Variants in FOCAD observed in about 807,000 individuals in gnomAD.
FOCAD encodes the protein KIAA1797.
In FOCAD, 198 loss-of-function variants were observed where a neutral mutation model predicts 225.6. That is an observed-to-expected ratio of 0.88 (90% CI 0.78 to 0.99). FOCAD has a LOEUF of 0.99. Among genes scored for constraint, FOCAD ranks in the 50% least tolerant of loss-of-function variants. FOCAD has a pLI of 0.00. For missense variants in FOCAD, 2,713 were observed against 2,123.6 expected, an observed-to-expected ratio of 1.28 and a Z score of -5.46; for synonymous variants, 897 against 755.0, an observed-to-expected ratio of 1.19 and a Z score of -3.08.
intron 5 of FOCAD, among the ~76,000 whole-genome samples, chr9:20,754,414 T>C (rs1364253315): frequency 6.6e-6 from 1 of 152,182 alleles, no homozygotes; most frequent in African/African-American, 2.4e-5. Flanking sequence ...TTAAGCCTTC[T>C]AGTTTCTAGT....
At position 20,765,089 on chromosome 9, in the gene FOCAD, T is replaced by G; in HGVS notation, c.699+16T>G. On this transcript the variant is annotated intron_variant, in intron 7 of 43. Transcript: ENST00000338382. Reference sequence around the variant, plus strand: ...ATGTTTGCAGGTAAGGTCTTTGTCCTCCTCCACAAATATAGGTCAGCATCA... The same window carrying G: ...ATGTTTGCAGGTAAGGTCTTTGTCCGCCTCCACAAATATAGGTCAGCATCA... The G allele has an allele frequency of 6.2e-7, 1 of 1,602,702 alleles. No individual in the cohort carries two copies. The highest frequency in any genetic ancestry group is 8.5e-7 in the Non-Finnish European group (1 of 1,172,880).
chr9:20,816,961 A>G (rs1003374660), intron 11 of FOCAD, among the ~76,000 whole-genome samples: 5 of 152,164 alleles, frequency 3.3e-5, no homozygotes, highest in Non-Finnish European at 5.9e-5. Context: ...GCCATTTTAT[A>G]TAAGATGCTT....
intron 15 of FOCAD, among the ~76,000 whole-genome samples, chr9:20,857,807 G>T (rs1828349914): frequency 7.2e-6 from 1 of 138,362 alleles, no homozygotes. Context: ...ATCATGAAGT[G>T]ATGTTGAATT....
At chr9:20,799,354 C>G (rs776124161) in intron 11 of FOCAD, among the ~76,000 whole-genome samples, 3 of 152,150 alleles carry the variant, frequency 2.0e-5, no homozygotes, top group Non-Finnish European at 2.9e-5. Flanking sequence ...CTGTAGATGT[C>G]TATTAGGTCT....
intron 29 of FOCAD, among the ~76,000 whole-genome samples, chr9:20,945,837 A>G (rs1348116042): frequency 6.6e-6 from 1 of 152,130 alleles, no homozygotes; most frequent in Non-Finnish European, 1.5e-5. Context: ...TTTTCATGCC[A>G]TATCAACCAG....
chr9:20,685,886 C>T (rs1393222325), intron 1 of FOCAD, among the ~76,000 whole-genome samples: 1 of 152,082 alleles, frequency 6.6e-6, no homozygotes, highest in Admixed American at 6.5e-5. Context: ...CACAGCCTCG[C>T]GCCCTGTAAT....
intron 26 of FOCAD, among the ~76,000 whole-genome samples, chr9:20,926,991 C>T (rs1835017604): frequency 6.9e-6 from 1 of 144,894 alleles, no homozygotes; most frequent in Admixed American, 7.1e-5. Flanking sequence ...CGTACATATG[C>T]ATATATAATG....
chr9:20,938,665 C>A (rs1012954834), intron 28 of FOCAD, among the ~76,000 whole-genome samples: 4 of 151,970 alleles, frequency 2.6e-5, no homozygotes, highest in African/African-American at 9.7e-5. Context: ...ACCAATATGG[C>A]ACCTGTATAC....
Position 20,715,374 on chromosome 9 carries a change from A to G in FOCAD, c.21A>G (p.Lys7=), listed in dbSNP as rs1825246594. The change falls in exon 2 of 44, where the codon AAA becomes AAG. Residue 7 remains lysine, a synonymous_variant. Coordinates refer to ENST00000338382, the MANE Select transcript of FOCAD (RefSeq NM_001375567.1). MSDDIR[K]RFEFPNSLIQ... is the part of the protein sequence containing the mutation. ...CAAAAATGTCAGATGATATCAGGAAAAGGTTTGAATTTCCAAATTCTCTTA... is the reference window on the plus strand; with the variant it reads ...CAAAAATGTCAGATGATATCAGGAAGAGGTTTGAATTTCCAAATTCTCTTA... 1.3e-6 allele frequency: 2 copies of G among 1,526,614 alleles called. No individual in the cohort carries two copies. The highest frequency in any genetic ancestry group is 1.8e-6 in the Non-Finnish European group (2 of 1,130,632). 94.6% of individuals were successfully genotyped at this position (1,526,614 alleles called of 1,614,324 possible).
chr9:20,748,287 A>G lies in FOCAD; in HGVS notation c.392+7947A>G, dbSNP rs182059696. On this transcript the variant is annotated intron_variant, in intron 5 of 43. Transcript: ENST00000338382. ...ATTTCTGGACAGAACATATCATATAACTTTTTAAATTTTTTTTTGGAAATG... is the reference window on the plus strand; with the variant it reads ...ATTTCTGGACAGAACATATCATATAGCTTTTTAAATTTTTTTTTGGAAATG... Among the ~76,000 whole-genome samples, 11 of 152,180 alleles carry G rather than the reference A, an allele frequency of 7.2e-5. No homozygotes were observed. The East Asian group carries it at 2.1e-3, about 29-fold the overall frequency.
intron 15 of FOCAD, among the ~76,000 whole-genome samples, chr9:20,840,596 G>GT (rs143705775): frequency 0.19 from 26,712 of 140,366 alleles, 2,936 homozygotes; most frequent in Non-Finnish European, 0.26. Flanking sequence ...ATTTTTTAAT[G>GT]TTTTTTTTTT....
intron 14 of FOCAD, among the ~76,000 whole-genome samples, chr9:20,821,971 A>G (rs1394531486): frequency 2.0e-5 from 3 of 150,208 alleles, no homozygotes; most frequent in African/African-American, 7.3e-5. Flanking sequence ...TAGCAACACA[A>G]AAATGACCTC....
At chr9:20,930,642 G>A (rs1257885543) in intron 27 of FOCAD, among the ~76,000 whole-genome samples, 1 of 152,258 alleles carries the variant, frequency 6.6e-6, no homozygotes, top group South Asian at 2.1e-4. Flanking sequence ...AATTGCTATT[G>A]ATTTTGGGGA....
At chr9:20,674,366 A>T (rs1822165391) in intron 2 of FOCAD, among the ~76,000 whole-genome samples, 2 of 152,184 alleles carry the variant, frequency 1.3e-5, no homozygotes, top group African/African-American at 4.8e-5. Flanking sequence ...ATGTGGGAGT[A>T]CTGTATTTAT....
At chr9:20,749,590 A>G (rs902836633) in intron 5 of FOCAD, among the ~76,000 whole-genome samples, 2 of 152,192 alleles carry the variant, frequency 1.3e-5, no homozygotes, top group Non-Finnish European at 1.5e-5. Flanking sequence ...AGGTAGAGAA[A>G]TGCTTTTAAA....
At chr9:20,680,508 T>C (rs1269677370), upstream of FOCAD, among the ~76,000 whole-genome samples, 2 of 152,074 alleles carry the variant, frequency 1.3e-5, no homozygotes, top group African/African-American at 4.8e-5. Flanking sequence ...CAAGCTGAGA[T>C]TGCGTCATTG....
At chr9:20,786,002 G>A (rs1306679089) in intron 10 of FOCAD, among the ~76,000 whole-genome samples, 1 of 152,122 alleles carries the variant, frequency 6.6e-6, no homozygotes, top group African/African-American at 2.4e-5. Flanking sequence ...TTCCCTGATG[G>A]TATTCTTAAA....
intron 9 of FOCAD, 40 bp from the exon 10 acceptor site, chr9:20,781,687 A>G (rs780234593): frequency 1.3e-6 from 2 of 1,579,122 alleles, no homozygotes; most frequent in Admixed American, 1.7e-5. Flanking sequence ...TGACTGTGGT[A>G]TTAATTTTTA....
At chr9:20,857,691 C>A (rs766331297) in intron 15 of FOCAD, among the ~76,000 whole-genome samples, 6 of 151,098 alleles carry the variant, frequency 4.0e-5, no homozygotes, top group Non-Finnish European at 8.8e-5. Context: ...TTTCAGTTTT[C>A]CCCATTCAGT....
Sources: allele counts gnomAD v4.1 joint callset (sites outside exome capture counted in the v4.1 genomes callset), GRCh38; gene constraint gnomAD v4.1.1; transcripts MANE v1.5; gene names NCBI Gene and HGNC (gene_info 2026-07-23, HGNC 2026-07-21).